The following MSI2 variants were observed in gnomAD, a reference collection of about 807,000 sequenced individuals.
The protein encoded by MSI2 is musashi RNA binding protein 2, also known as RNA-binding protein Musashi homolog 2.
In MSI2, 17 loss-of-function variants were observed where a neutral mutation model predicts 45.6. The ratio of observed to expected loss-of-function variants is 0.37; its 90% CI spans 0.26 to 0.56. The LOEUF (loss-of-function observed/expected upper bound fraction) is 0.56, where lower values mean the gene tolerates loss of function less well. Among genes scored for constraint, MSI2 ranks in the 20% least tolerant of loss-of-function variants. The pLI, the probability that MSI2 is intolerant of heterozygous loss-of-function variation, is 0.77. For synonymous variants in MSI2, 156 were observed against 158.2 expected (o/e 0.99, Z 0.11); for missense variants, 293 against 444.2 (o/e 0.66, Z 3.06).
At chr17:57,673,774 G>T (rs1913003732) in intron 11 of MSI2, among the ~76,000 whole-genome samples, 1 of 152,034 alleles carries the variant, frequency 6.6e-6, no homozygotes, top group African/African-American at 2.4e-5. Context: ...ACCACTCTCT[G>T]GATTTGTGCG....
chr17:57,382,974 C>T (rs979455335), intron 5 of MSI2, among the ~76,000 whole-genome samples: 9 of 152,158 alleles, frequency 5.9e-5, no homozygotes, highest in Admixed American at 2.0e-4. Context: ...TTCATTTGCC[C>T]TGGATTCACT....
intron 7 of MSI2, among the ~76,000 whole-genome samples, chr17:57,590,827 C>A (rs555330272): frequency 6.6e-6 from 1 of 152,130 alleles, no homozygotes; most frequent in Non-Finnish European, 1.5e-5. Context: ...CAAGTTCTGG[C>A]CCTTTGTTTC....
intron 7 of MSI2, among the ~76,000 whole-genome samples, chr17:57,567,657 G>A (rs951528364): frequency 6.6e-6 from 1 of 152,252 alleles, no homozygotes; most frequent in Admixed American, 6.5e-5. Context: ...CCCCAAAGAC[G>A]GCAGAGTGGC....
At chr17:57,311,270 A>G (rs1912377856) in intron 5 of MSI2, among the ~76,000 whole-genome samples, 1 of 152,246 alleles carries the variant, frequency 6.6e-6, no homozygotes, top group African/African-American at 2.4e-5. Flanking sequence ...ACTTCTCAGC[A>G]GATGATAAAG....
rs145944375 is a variant in MSI2 at position 57,462,391 on chromosome 17, A to C, written c.405+60920A>C. On this transcript the variant is annotated intron_variant, in intron 6 of 13. Coordinates refer to ENST00000284073, the MANE Select transcript of MSI2 (RefSeq NM_138962.4). ...TCCTGGGCTGCCAGCCCCTGCCAGG[A>C]CTCCTTTCTTTGCCTTTCCAGAGGT... 4.1e-3 allele frequency among the ~76,000 whole-genome samples: 619 copies of C among 151,896 alleles called. 11 individuals carry two copies. Among genetic ancestry groups the C allele is most frequent in the African/African-American group, 0.014 (583 of 41,418 alleles).
intron 6 of MSI2, among the ~76,000 whole-genome samples, chr17:57,422,662 G>A (rs1163807961): frequency 1.3e-5 from 2 of 152,182 alleles, no homozygotes; most frequent in Non-Finnish European, 2.9e-5. Flanking sequence ...CATTGTCACC[G>A]CTAACCCTGC....
intron 6 of MSI2, among the ~76,000 whole-genome samples, chr17:57,518,477 T>A (rs2086517139): frequency 6.6e-6 from 1 of 152,262 alleles, no homozygotes; most frequent in African/African-American, 2.4e-5. Context: ...AGGTGGCTAT[T>A]TACAGGCTGT....
At chr17:57,480,572 C>G (rs1446461395) in intron 6 of MSI2, among the ~76,000 whole-genome samples, 1 of 152,160 alleles carries the variant, frequency 6.6e-6, no homozygotes, top group Admixed American at 6.5e-5. Flanking sequence ...TTCAGAATTT[C>G]AAGATTGGAT....
At chr17:57,586,347 G>GTC (rs138594708) in intron 7 of MSI2, among the ~76,000 whole-genome samples, 86 of 150,148 alleles carry the variant, frequency 5.7e-4, no homozygotes, top group African/African-American at 1.3e-3. Flanking sequence ...ATGGTTAGAG[G>GTC]TCTCTCTCTC....
chr17:57,701,217 C>G, the MSI2 span, among the ~76,000 whole-genome samples: 3 of 152,184 alleles, frequency 2.0e-5, no homozygotes, highest in Non-Finnish European at 4.4e-5. Flanking sequence ...ATAATGACAT[C>G]TCCCCCATTA....
intron 7 of MSI2, among the ~76,000 whole-genome samples, chr17:57,574,208 C>T (rs1031935969): frequency 2.0e-5 from 3 of 152,186 alleles, no homozygotes; most frequent in Admixed American, 2.0e-4. Flanking sequence ...AAGCTAATGG[C>T]CAAGGCATTA....
chr17:57,528,374 A>G (rs914356735), intron 6 of MSI2, among the ~76,000 whole-genome samples: 8 of 152,044 alleles, frequency 5.3e-5, no homozygotes, highest in Admixed American at 2.0e-4. Flanking sequence ...TGGACCCTGA[A>G]ATCTTATTGC....
intron 5 of MSI2, among the ~76,000 whole-genome samples, chr17:57,358,362 G>GTAAC (rs1254591843): frequency 1.3e-5 from 2 of 152,132 alleles, no homozygotes; most frequent in East Asian, 3.8e-4. Context: ...GGCTTGCCAG[G>GTAAC]TAACACCTTG....
chr17:57,586,828 C>T (rs986121729), intron 7 of MSI2, among the ~76,000 whole-genome samples: 3 of 147,772 alleles, frequency 2.0e-5, no homozygotes, highest in African/African-American at 5.0e-5. Context: ...GCCTGGCCAA[C>T]GTGGCAAAAC....
intron 11 of MSI2, among the ~76,000 whole-genome samples, chr17:57,665,235 G>A (rs1291284305): frequency 2.6e-5 from 4 of 152,162 alleles, no homozygotes; most frequent in African/African-American, 7.2e-5. Context: ...TGTCTCTCTC[G>A]AGGACAGGCC....
intron 5 of MSI2, among the ~76,000 whole-genome samples, chr17:57,349,730 T>TGGAA: frequency 6.6e-6 from 1 of 152,228 alleles, no homozygotes; most frequent in Non-Finnish European, 1.5e-5. Context: ...TGTGCTTAGT[T>TGGAA]CCAGCCTGTC....
Position 57,425,698 on chromosome 17 carries a change from C to G in MSI2, c.405+24227C>G, listed in dbSNP as rs536063134. ...TCATTGTTTGGTATTATAGCCAGTT[C>G]TGGCAGGACCGCCCTTGTGCATGCA... is the stretch of plus-strand genomic sequence containing the variant. On this transcript the variant is annotated intron_variant, in intron 6 of 13. Coordinates refer to ENST00000284073, the MANE Select transcript of MSI2 (RefSeq NM_138962.4). 3.9e-5 allele frequency among the ~76,000 whole-genome samples: 6 copies of G among 152,376 alleles called. No homozygotes were observed. The East Asian group carries it at 1.2e-3, about 29-fold the overall frequency.
At chr17:57,350,159 A>G (rs959415443) in intron 5 of MSI2, among the ~76,000 whole-genome samples, 1 of 151,130 alleles carries the variant, frequency 6.6e-6, no homozygotes, top group African/African-American at 2.4e-5. Context: ...GTTGTTAATG[A>G]CTGGTTTGTT....
At chr17:57,694,599 CT>C in the MSI2 span, among the ~76,000 whole-genome samples, 16 of 148,814 alleles carry the variant, frequency 1.1e-4, no homozygotes, top group South Asian at 2.1e-4. Context: ...GGCAAAATAC[CT>C]TTTTTTTTTA....
Sources: gnomAD v4.1 joint callset for allele counts (sites outside exome capture counted in the v4.1 genomes callset) on GRCh38, gnomAD v4.1.1 for gene constraint, MANE v1.5 for transcripts, NCBI Gene and HGNC (gene_info 2026-07-23, HGNC 2026-07-21) for gene names.